RHOU: variants seen among roughly 807,000 people sequenced by gnomAD.
RHOU encodes the protein rho-related GTP-binding protein RhoU.
Under a neutral mutation model 12.6 loss-of-function variants are expected in RHOU, and 8 were observed. That is an observed-to-expected ratio of 0.64 (90% CI 0.37 to 1.15). The LOEUF is 1.15. Ranked by LOEUF, RHOU falls within the 50% of genes most tolerant of loss-of-function variation. RHOU has a pLI of 0.01. For synonymous variants in RHOU, 161 were observed against 147.4 expected (o/e 1.09, Z -0.67); for missense variants, 258 against 347.0 (o/e 0.74, Z 2.04).
At chr1:228,703,238 G>T in the RHOU span, among the ~76,000 whole-genome samples, 1 of 152,128 alleles carries the variant, frequency 6.6e-6, no homozygotes, top group African/African-American at 2.4e-5. Flanking sequence ...CTATAAAAGT[G>T]TTTTGGGGCC....
At chr1:228,673,214 C>T in the RHOU span, among the ~76,000 whole-genome samples, 3,177 of 152,222 alleles carry the variant, frequency 0.021, 154 homozygotes, top group East Asian at 0.17. Context: ...CTTTTCTTCA[C>T]GGGACACCAC....
chr1:228,693,643 T>A, the RHOU span, among the ~76,000 whole-genome samples: 1 of 152,124 alleles, frequency 6.6e-6, no homozygotes, highest in African/African-American at 2.4e-5. Flanking sequence ...ATTTTTTGTA[T>A]TTTCAGTAGA....
chr1:228,707,105 C>CATACAT, the RHOU span, among the ~76,000 whole-genome samples: 1 of 70,844 alleles, frequency 1.4e-5, no homozygotes, highest in African/African-American at 7.4e-5. Flanking sequence ...TATATACATA[C>CATACAT]ATATATATAT....
the RHOU span, among the ~76,000 whole-genome samples, chr1:228,669,513 T>C: frequency 1.3e-5 from 2 of 152,184 alleles, no homozygotes; most frequent in East Asian, 3.8e-4. Context: ...CCTAAGAATG[T>C]TTTTTCTGCA....
At chr1:228,691,410 C>T in the RHOU span, among the ~76,000 whole-genome samples, 52 of 149,992 alleles carry the variant, frequency 3.5e-4, no homozygotes, top group East Asian at 9.7e-3. Context: ...TCACTCATCC[C>T]TCCCTCCCTC....
the RHOU span, among the ~76,000 whole-genome samples, chr1:228,723,100 GT>G: frequency 6.6e-6 from 1 of 152,194 alleles, no homozygotes; most frequent in Non-Finnish European, 1.5e-5. Flanking sequence ...GGCAGCCTGA[GT>G]TAGATGATGC....
chr1:228,693,423 A>C, the RHOU span, among the ~76,000 whole-genome samples: 1 of 152,222 alleles, frequency 6.6e-6, no homozygotes, highest in African/African-American at 2.4e-5. Context: ...GGAAAAAGAC[A>C]TTGACACCCA....
chr1:228,718,722 A>G, the RHOU span, among the ~76,000 whole-genome samples: 1 of 152,178 alleles, frequency 6.6e-6, no homozygotes, highest in African/African-American at 2.4e-5. Flanking sequence ...GAACTTAGAA[A>G]ACTGTCTTTC....
At chr1:228,740,905 T>A (rs1025922879) in intron 2 of RHOU, among the ~76,000 whole-genome samples, 3 of 152,138 alleles carry the variant, frequency 2.0e-5, no homozygotes, top group Non-Finnish European at 4.4e-5. Flanking sequence ...AAAAGGAGTT[T>A]TTAACACTGG....
chr1:228,709,727 C>A, the RHOU span, among the ~76,000 whole-genome samples: 3 of 150,732 alleles, frequency 2.0e-5, no homozygotes, highest in African/African-American at 2.4e-5. Flanking sequence ...AAAATTGACA[C>A]CCTAACATCA....
the RHOU span, among the ~76,000 whole-genome samples, chr1:228,672,833 T>C: frequency 6.6e-6 from 1 of 152,178 alleles, no homozygotes; most frequent in Non-Finnish European, 1.5e-5. Flanking sequence ...TCCCACTGCC[T>C]AGTATTACCC....
the RHOU span, among the ~76,000 whole-genome samples, chr1:228,654,531 C>T: frequency 6.6e-6 from 1 of 152,210 alleles, no homozygotes; most frequent in Admixed American, 6.5e-5. Flanking sequence ...TGATTGGCTT[C>T]ATGATGTGGG....
the RHOU span, among the ~76,000 whole-genome samples, chr1:228,680,892 G>GA: frequency 6.6e-6 from 1 of 152,174 alleles, no homozygotes; most frequent in Non-Finnish European, 1.5e-5. Flanking sequence ...TATACCTGGG[G>GA]AATCTGCCTG....
rs750970292 is a variant in RHOU at position 228,746,597 on chromosome 1, G to A, written c.*2857G>A. On this transcript the variant is annotated 3_prime_UTR_variant, in exon 3 of 3. Coordinates refer to ENST00000366691, the MANE Select transcript of RHOU (RefSeq NM_021205.6). ...TTTTCTGTTTTCAAGTGTAAATGAT[G>A]TTGAGCAGAATGTTGTACTTGAAAA... is the stretch of plus-strand genomic sequence containing the variant. The A allele has an allele frequency of 2.6e-5, 4 of 152,186 alleles. No homozygotes were observed. The highest frequency in any genetic ancestry group is 5.9e-5 in the Non-Finnish European group (4 of 68,038). 9.4% of individuals were successfully genotyped at this position (152,186 alleles called of 1,614,324 possible).
At chr1:228,661,322 A>G in the RHOU span, among the ~76,000 whole-genome samples, 1 of 152,212 alleles carries the variant, frequency 6.6e-6, no homozygotes, top group African/African-American at 2.4e-5. Context: ...ACAGAATTGG[A>G]AAAAACTACT....
In RHOU at chr1:228,738,094, A is replaced by C. The variant is rs1228131379; in HGVS notation, c.321+363A>C. On this transcript the variant is annotated intron_variant, in intron 2 of 2. Coordinates refer to ENST00000366691, the MANE Select transcript of RHOU (RefSeq NM_021205.6). The surrounding 1 kb of genome is among the most constrained non-coding windows in gnomAD (Gnocchi z 4.2). ...TCCCAAACTAAGTTAGTGATGTCTT[A>C]TAATCGTTTTATTAAAGGCCAGTGA... Among the ~76,000 whole-genome samples the C allele has an allele frequency of 6.6e-6, 1 of 152,222 alleles. No homozygotes were observed. The highest frequency in any genetic ancestry group is 1.9e-4 in the East Asian group (1 of 5,196).
chr1:228,692,084 A>C, the RHOU span, among the ~76,000 whole-genome samples: 4 of 152,352 alleles, frequency 2.6e-5, no homozygotes, highest in South Asian at 8.3e-4. Context: ...CGAAGTAATG[A>C]GTAAATAGCT....
chr1:228,746,664 A>G lies in RHOU; in HGVS notation c.*2924A>G, dbSNP rs1662839828. ...GTATGAAATAAATTCTGACTTATGA[A>G]TATAATGGCTCTTGCCTTTTCTATC... On this transcript the variant is annotated 3_prime_UTR_variant, in exon 3 of 3. Transcript: ENST00000366691. 6.6e-6 allele frequency: 1 copy of G among 152,240 alleles called. No individual in the cohort carries two copies. The highest frequency in any genetic ancestry group is 1.5e-5 in the Non-Finnish European group (1 of 68,042). 9.4% of individuals were successfully genotyped at this position (152,240 alleles called of 1,614,324 possible).
At chr1:228,684,468 A>G in the RHOU span, among the ~76,000 whole-genome samples, 1 of 149,576 alleles carries the variant, frequency 6.7e-6, no homozygotes, top group East Asian at 1.9e-4. Flanking sequence ...AGCTGGGACT[A>G]CAGGCGTGCA....
Sources: gnomAD v4.1 joint callset for allele counts (sites outside exome capture counted in the v4.1 genomes callset) on GRCh38, gnomAD v4.1.1 for gene constraint, Gnocchi (gnomAD v3.1) non-coding constraint, MANE v1.5 for transcripts, NCBI Gene and HGNC (gene_info 2026-07-23, HGNC 2026-07-21) for gene names.